The following LIPA variants were observed in gnomAD, a reference collection of about 807,000 sequenced individuals.
LIPA encodes lipase A, lysosomal acid type.
Under a neutral mutation model 40.6 loss-of-function variants are expected in LIPA, and 26 were observed. The ratio of observed to expected loss-of-function variants is 0.64; its 90% CI spans 0.47 to 0.89. The LOEUF (loss-of-function observed/expected upper bound fraction) is 0.89, where lower values mean the gene tolerates loss of function less well. LIPA is among the 40% of genes least tolerant of loss of function. LIPA has a pLI of 0.00. For synonymous variants in LIPA, 188 were observed against 168.4 expected, an observed-to-expected ratio of 1.12 and a Z score of -0.90; for missense variants, 455 against 479.6, an observed-to-expected ratio of 0.95 and a Z score of 0.48.
intron 1 of LIPA, among the ~76,000 whole-genome samples, chr10:89,329,238 T>C (rs1014446710): frequency 2.6e-5 from 4 of 152,138 alleles, no homozygotes; most frequent in African/African-American, 9.7e-5. Context: ...TGCTCTGCAA[T>C]GTCATGTTTG....
chr10:89,239,770 C>T (rs1231141910), intron 3 of LIPA, among the ~76,000 whole-genome samples: 1 of 152,084 alleles, frequency 6.6e-6, no homozygotes, highest in Non-Finnish European at 1.5e-5. Context: ...GGTGCTGGGC[C>T]ATTTACATCA....
intron 2 of LIPA, among the ~76,000 whole-genome samples, chr10:89,386,423 G>A (rs542017653): frequency 7.7e-4 from 117 of 152,238 alleles, no homozygotes; most frequent in Non-Finnish European, 1.5e-3. Context: ...AACAAAGAAC[G>A]TACTTATTCA....
intron 1 of LIPA, among the ~76,000 whole-genome samples, chr10:89,330,891 G>T (rs1434533667): frequency 6.6e-6 from 1 of 152,220 alleles, no homozygotes; most frequent in Non-Finnish European, 1.5e-5. Context: ...AGGCACTTGT[G>T]AAAACACAGG....
Position 89,219,494 on chromosome 10 carries a change from G to A in LIPA, c.894+3017C>T, listed in dbSNP as rs151013395. Among the ~76,000 whole-genome samples, 546 of 152,286 alleles carry A rather than the reference G, an allele frequency of 3.6e-3. 1 individual carries two copies. The highest frequency in any genetic ancestry group is 0.012 in the African/African-American group (487 of 41,554). Reference sequence around the variant, plus strand: ...ATGAGTATGCTATATTTAAAATCCCGCTAAAGAACAAGGTATGGAATTTAT... The same window carrying A: ...ATGAGTATGCTATATTTAAAATCCCACTAAAGAACAAGGTATGGAATTTAT... On this transcript the variant is annotated intron_variant, in intron 8 of 9. Coordinates refer to ENST00000336233, the MANE Select transcript of LIPA (RefSeq NM_000235.4).
upstream of LIPA, among the ~76,000 whole-genome samples, chr10:89,346,234 T>C (rs994814028): frequency 3.3e-5 from 5 of 152,212 alleles, no homozygotes; most frequent in Non-Finnish European, 5.9e-5. Flanking sequence ...AGAATTCCCA[T>C]ATACCCTTTA....
At chr10:89,260,387 T>C (rs1410564458) in intron 1 of LIPA, among the ~76,000 whole-genome samples, 1 of 152,188 alleles carries the variant, frequency 6.6e-6, no homozygotes, top group Non-Finnish European at 1.5e-5. Flanking sequence ...CCTCAGTGCA[T>C]AGTGGAGGAA....
At chr10:89,278,288 C>T (rs1021846827) in intron 1 of LIPA, 13 of 152,180 alleles carry the variant, frequency 8.5e-5, no homozygotes, top group African/African-American at 3.1e-4. Context: ...GCTGGATTGG[C>T]TCCAAGAGAA....
intron 2 of LIPA, among the ~76,000 whole-genome samples, chr10:89,349,295 C>T (rs560204284): frequency 2.6e-5 from 4 of 152,150 alleles, no homozygotes; most frequent in African/African-American, 9.7e-5. Context: ...ACAATTTACT[C>T]CCCCTAAGTA....
chr10:89,279,129 G>A (rs1843303642), intron 1 of LIPA, among the ~76,000 whole-genome samples: 1 of 152,142 alleles, frequency 6.6e-6, no homozygotes, highest in Non-Finnish European at 1.5e-5. Context: ...AACCCCCAAA[G>A]GGAGATGAGA....
chr10:89,222,987 G>C lies in LIPA; in HGVS notation c.823-405C>G, dbSNP rs559555679. On this transcript the variant is annotated intron_variant, in intron 7 of 9. Coordinates refer to ENST00000336233, the MANE Select transcript of LIPA (RefSeq NM_000235.4). ...AACCCTTTTTTTCAAAATGCCACAT[G>C]ACAAACTAACAAACATATTTAGAAA... Among the ~76,000 whole-genome samples the C allele has an allele frequency of 3.9e-5, 6 of 152,102 alleles. No homozygotes were observed. In the East Asian group the frequency reaches 1.2e-3, roughly 29 times the overall value.
rs1293401966 is a variant in LIPA, at chr10:89,403,737, C to T, written c.61+9054G>A. 2.5e-6 allele frequency: 3 copies of T among 1,210,688 alleles called. No individual in the cohort carries two copies. In the Admixed American group the frequency reaches 7.1e-5, roughly 29 times the overall value. The allele number at this position is 1,210,688 out of a possible 1,614,324, so 75.0% of individuals were successfully genotyped here. ...GGCACCCAGATATCAGCCACTTTCA[C>T]ATTTCATTTCATTTTATGCTAACAT... is the stretch of plus-strand genomic sequence containing the variant. On this transcript the variant is annotated intron_variant, in intron 2 of 8. Transcript: ENST00000371837.
chr10:89,237,037 G>A (rs957066366), intron 3 of LIPA, among the ~76,000 whole-genome samples: 3 of 152,210 alleles, frequency 2.0e-5, no homozygotes, highest in Non-Finnish European at 2.9e-5. Context: ...ATTTTGGGAG[G>A]CCAAAGTGGG....
chr10:89,387,942 A>G (rs1459197821), intron 2 of LIPA, among the ~76,000 whole-genome samples: 3 of 152,194 alleles, frequency 2.0e-5, no homozygotes, highest in African/African-American at 7.2e-5. Context: ...GGCAAATAGC[A>G]GTATCTAAAA....
At chr10:89,303,338 T>C (rs74146910) in intron 1 of LIPA, among the ~76,000 whole-genome samples, 6,991 of 152,296 alleles carry the variant, frequency 0.046, 503 homozygotes, top group African/African-American at 0.16. Context: ...TCTGAGGATG[T>C]GTGTTTCTAA....
chr10:89,311,524 CAAAAAAA>C (rs36010336), intron 1 of LIPA, among the ~76,000 whole-genome samples: 5 of 73,728 alleles, frequency 6.8e-5, no homozygotes, highest in Non-Finnish European at 1.1e-4. Flanking sequence ...GACCCTGTCT[CAAAAAAA>C]AAAAAAAAAA....
In LIPA at chr10:89,302,211, G is replaced by A. The variant is rs1843449509; in HGVS notation, c.-2+40400C>T. ...TCCTGAGAAGCTATGTTCCCAAAGA[G>A]GGCCAGCTCCATTTTAGTGTTTGTT... On this transcript the variant is annotated intron_variant, in intron 1 of 5. Transcript: ENST00000282673. 2.8e-6 allele frequency: 4 copies of A among 1,424,346 alleles called. No individual in the cohort carries two copies. The South Asian group carries it at 4.6e-5, about 16-fold the overall frequency. The allele number at this position is 1,424,346 out of a possible 1,614,324, so 88.2% of individuals were successfully genotyped here. A position where few individuals can be genotyped will look rare whatever the true frequency, so the allele number is the denominator to read the frequency against.
At chr10:89,256,812 C>T (rs748658432) in intron 1 of LIPA, among the ~76,000 whole-genome samples, 10 of 152,208 alleles carry the variant, frequency 6.6e-5, no homozygotes, top group African/African-American at 1.9e-4. Context: ...AATATAACCA[C>T]GAGGTTCCTT....
upstream of LIPA, among the ~76,000 whole-genome samples, chr10:89,343,636 A>G (rs750026272): frequency 6.6e-6 from 1 of 152,198 alleles, no homozygotes; most frequent in Non-Finnish European, 1.5e-5. Flanking sequence ...TACTTTGGGC[A>G]TCATGTTCTG....
In LIPA at chr10:89,383,884, T is replaced by C. The variant is rs760763316; in HGVS notation, c.61+28907A>G. 1.4e-5 allele frequency: 23 copies of C among 1,614,016 alleles called. No individual in the cohort carries two copies. Among genetic ancestry groups the C allele is most frequent in the Admixed American group, 1.7e-5 (1 of 59,994 alleles). On this transcript the variant is annotated intron_variant, in intron 2 of 8. Coordinates refer to the LIPA transcript ENST00000371837. ...AATCACCGTCTATCGCCTGGATAAA[T>C]TTAACACAGCATCAGGGAGGAATAA...
Sources: allele counts gnomAD v4.1 joint callset (sites outside exome capture counted in the v4.1 genomes callset), GRCh38; gene constraint gnomAD v4.1.1; transcripts MANE v1.5; gene names NCBI Gene and HGNC (gene_info 2026-07-23, HGNC 2026-07-21).